NRXN3: variants seen among roughly 807,000 people sequenced by gnomAD.
NRXN3 encodes the protein neurexin III.
A neutral mutation model predicts 137.6 loss-of-function variants in NRXN3; 32 were observed. The observed-to-expected ratio is 0.23, with a 90% CI of 0.18 to 0.31. NRXN3 has a LOEUF of 0.31. NRXN3 is among the 10% of genes least tolerant of loss of function. NRXN3 has a pLI of 1.00. For missense variants in NRXN3, 1,574 were observed against 2,062.5 expected (o/e 0.76, Z 4.59); for synonymous variants, 798 against 784.5 (o/e 1.02, Z -0.29).
intron 4 of NRXN3, among the ~76,000 whole-genome samples, chr14:78,539,131 A>G (rs1394522969): frequency 6.6e-6 from 1 of 152,168 alleles, no homozygotes; most frequent in Non-Finnish European, 1.5e-5. Context: ...GGCCTCATAA[A>G]ATGAGTTAGG....
intron 15 of NRXN3, among the ~76,000 whole-genome samples, chr14:79,177,586 G>T (rs1178671450): frequency 6.6e-6 from 1 of 152,086 alleles, no homozygotes; most frequent in Non-Finnish European, 1.5e-5. Context: ...TGCAATCTAG[G>T]GTTTCTGAGG....
chr14:78,386,670 T>C (rs2153636537), intron 4 of NRXN3, among the ~76,000 whole-genome samples: 1 of 152,318 alleles, frequency 6.6e-6, no homozygotes, highest in Middle Eastern at 3.4e-3. Flanking sequence ...GTCACAAAGC[T>C]AGCAAGTGGC....
intron 4 of NRXN3, among the ~76,000 whole-genome samples, chr14:78,636,931 G>A (rs573747085): frequency 1.3e-5 from 2 of 151,782 alleles, no homozygotes; most frequent in East Asian, 3.9e-4. Context: ...GTACAATTGT[G>A]TGCAGTACAA....
intron 1 of NRXN3, among the ~76,000 whole-genome samples, chr14:78,224,556 G>A (rs1231506241): frequency 1.3e-5 from 2 of 151,930 alleles, no homozygotes; most frequent in Admixed American, 1.3e-4. Flanking sequence ...ATAGTTTACT[G>A]AGAATGATGA....
intron 16 of NRXN3, among the ~76,000 whole-genome samples, chr14:79,548,625 G>A (rs1438494607): frequency 6.6e-6 from 1 of 151,946 alleles, no homozygotes; most frequent in African/African-American, 2.4e-5. Flanking sequence ...CCTGGGAGTT[G>A]CAGTGAGTGG....
At chr14:78,298,384 A>G (rs1225028144) in intron 4 of NRXN3, among the ~76,000 whole-genome samples, 1 of 152,232 alleles carries the variant, frequency 6.6e-6, no homozygotes, top group Non-Finnish European at 1.5e-5. Flanking sequence ...TCAGTTTTAT[A>G]TAAAAGCAAA....
intron 10 of NRXN3, among the ~76,000 whole-genome samples, chr14:78,836,603 G>T (rs2098997727): frequency 6.6e-6 from 1 of 152,134 alleles, no homozygotes; most frequent in Non-Finnish European, 1.5e-5. Flanking sequence ...ATAACATGGT[G>T]CTCTAATTTG....
At chr14:78,912,939 T>C (rs1054930888) in intron 10 of NRXN3, among the ~76,000 whole-genome samples, 4 of 152,190 alleles carry the variant, frequency 2.6e-5, no homozygotes, top group African/African-American at 7.2e-5. Context: ...TGTTTATTCA[T>C]TCCTTGTTCC....
At chr14:79,086,594 A>C (rs1162458898) in intron 15 of NRXN3, among the ~76,000 whole-genome samples, 3 of 152,298 alleles carry the variant, frequency 2.0e-5, no homozygotes, top group African/African-American at 7.2e-5. Flanking sequence ...TCTGAGGGAC[A>C]TTGCAGAGTC....
chr14:78,901,028 A>G (rs1276754652), intron 10 of NRXN3, among the ~76,000 whole-genome samples: 1 of 152,010 alleles, frequency 6.6e-6, no homozygotes, highest in East Asian at 1.9e-4. Context: ...TCTTTTCCCT[A>G]TAAGCTAGAA....
At chr14:78,834,756 C>T (rs551285363) in intron 10 of NRXN3, among the ~76,000 whole-genome samples, 85 of 152,228 alleles carry the variant, frequency 5.6e-4, no homozygotes, top group African/African-American at 1.7e-3. Context: ...GATACTGCTG[C>T]GGCTACCAGC....
chr14:78,584,004 G>A (rs920578722), intron 4 of NRXN3, among the ~76,000 whole-genome samples: 1 of 152,164 alleles, frequency 6.6e-6, no homozygotes. Context: ...ATCCGGTAAA[G>A]CTAATAGCAT....
chr14:78,683,899 T>C (rs183768801), intron 6 of NRXN3, among the ~76,000 whole-genome samples: 20 of 152,334 alleles, frequency 1.3e-4, no homozygotes, highest in African/African-American at 4.3e-4. Flanking sequence ...ACATCTTAGA[T>C]TGATGATTCC....
At chr14:78,649,311 T>C (rs2097716314) in intron 5 of NRXN3, 1 of 1,337,422 alleles carries the variant, frequency 7.5e-7, no homozygotes, top group Non-Finnish European at 9.9e-7. Context: ...CTACATTGTC[T>C]GGTAGATATC....
intron 19 of NRXN3, among the ~76,000 whole-genome samples, chr14:79,736,902 AGGGAAGATGTAACTTAATC>A (rs1472127464): frequency 6.6e-6 from 1 of 152,166 alleles, no homozygotes; most frequent in African/African-American, 2.4e-5. Context: ...CACAGGTGAG[AGGGAAGATGTAACTTAATC>A]TACTGGAAGT....
chr14:79,530,392 A>G (rs1218943047), intron 16 of NRXN3, among the ~76,000 whole-genome samples: 1 of 152,078 alleles, frequency 6.6e-6, no homozygotes, highest in Non-Finnish European at 1.5e-5. Flanking sequence ...GTCCTGGGGT[A>G]TGAGTGGAGG....
intron 4 of NRXN3, among the ~76,000 whole-genome samples, chr14:78,323,371 A>C (rs1264417230): frequency 6.6e-6 from 1 of 151,990 alleles, no homozygotes; most frequent in Non-Finnish European, 1.5e-5. Flanking sequence ...CCTGGATTTA[A>C]GTCCTAACTC....
chr14:79,409,742 A>T (rs1027442925), intron 15 of NRXN3, among the ~76,000 whole-genome samples: 3 of 150,710 alleles, frequency 2.0e-5, no homozygotes, highest in African/African-American at 7.3e-5. Flanking sequence ...TATTCATGCC[A>T]ATTCTCCATA....
At chr14:78,603,982 G>A (rs148300726) in intron 4 of NRXN3, among the ~76,000 whole-genome samples, 2,930 of 152,286 alleles carry the variant, frequency 0.019, 107 homozygotes, top group East Asian at 0.18. Flanking sequence ...AAGGAAAGAG[G>A]TTTAATGGAC....
Sources: gnomAD v4.1 joint callset for allele counts (sites outside exome capture counted in the v4.1 genomes callset) on GRCh38, gnomAD v4.1.1 for gene constraint, MANE v1.5 for transcripts, NCBI Gene and HGNC (gene_info 2026-07-23, HGNC 2026-07-21) for gene names.